BCL9: variants seen among roughly 807,000 people sequenced by gnomAD.
BCL9 encodes the protein B-cell CLL/lymphoma 9 protein.
In BCL9, 25 loss-of-function variants were observed where a neutral mutation model predicts 88.5. The ratio of observed to expected loss-of-function variants is 0.28; its 90% CI spans 0.21 to 0.39. The LOEUF (loss-of-function observed/expected upper bound fraction) is 0.39. Among genes scored for constraint, BCL9 ranks in the 10% least tolerant of loss-of-function variants. The pLI is 1.00. For synonymous variants in BCL9, 711 were observed against 673.3 expected (o/e 1.06, Z -0.87); for missense variants, 1,817 against 1,877.8 (o/e 0.97, Z 0.60).
At chr1:147,605,120 C>T (rs1487040626) in intron 2 of BCL9, among the ~76,000 whole-genome samples, 3 of 152,116 alleles carry the variant, frequency 2.0e-5, no homozygotes, top group African/African-American at 7.2e-5. Flanking sequence ...TGTACAATAA[C>T]TCATTTCATA....
intron 1 of BCL9, among the ~76,000 whole-genome samples, chr1:147,589,051 ATGT>A (rs1656733685): frequency 6.6e-6 from 1 of 152,164 alleles, no homozygotes; most frequent in Non-Finnish European, 1.5e-5. Context: ...TTAGCTGGAC[ATGT>A]TGTTACCAGG....
At chr1:147,558,723 AG>A (rs782280748) in intron 1 of BCL9, among the ~76,000 whole-genome samples, 5 of 152,160 alleles carry the variant, frequency 3.3e-5, no homozygotes, top group Non-Finnish European at 5.9e-5. Context: ...AGTTCCTTAT[AG>A]GACATGATAT....
At chr1:147,609,062 T>C (rs1177940422) in intron 3 of BCL9, among the ~76,000 whole-genome samples, 2 of 152,220 alleles carry the variant, frequency 1.3e-5, no homozygotes, top group Non-Finnish European at 2.9e-5. Context: ...TGGCACATAG[T>C]AAAAATTTTA....
intron 1 of BCL9, among the ~76,000 whole-genome samples, chr1:147,543,461 A>C (rs1654421861): frequency 6.6e-6 from 1 of 152,272 alleles, no homozygotes; most frequent in African/African-American, 2.4e-5. Flanking sequence ...ACTTCTGAGT[A>C]TGGGAAAAGC....
chr1:147,558,255 T>C (rs1655207350), intron 1 of BCL9, among the ~76,000 whole-genome samples: 1 of 152,134 alleles, frequency 6.6e-6, no homozygotes. Flanking sequence ...TTAATCTGTC[T>C]CAAAATCCAG....
rs1658432486 is a variant in BCL9, at chr1:147,618,798, CT to C, written c.661-17del. ...GTTCAGTTTACTAATGATTTTTAAA[CT>C]ATTTGTTTGTCTTCAGAACACACAG... is the stretch of plus-strand genomic sequence containing the variant. On this transcript the variant is annotated splice_polypyrimidine_tract_variant and intron_variant, in intron 7 of 9. Transcript: ENST00000234739. 1.3e-6 allele frequency: 2 copies of C among 1,508,072 alleles called. No homozygotes were observed. Among genetic ancestry groups the C allele is most frequent in the South Asian group, 2.7e-5 (2 of 73,772 alleles). 93.4% of individuals were successfully genotyped at this position (1,508,072 alleles called of 1,614,324 possible).
chr1:147,581,553 C>G (rs1315786138), intron 1 of BCL9, among the ~76,000 whole-genome samples: 2 of 152,098 alleles, frequency 1.3e-5, no homozygotes, highest in Non-Finnish European at 2.9e-5. Flanking sequence ...GTTTTTTGGT[C>G]TTTTGTTTGG....
chr1:147,570,435 A>C (rs1310780584), intron 1 of BCL9, among the ~76,000 whole-genome samples: 5 of 152,174 alleles, frequency 3.3e-5, no homozygotes, highest in African/African-American at 1.2e-4. Context: ...GACAATTTGA[A>C]GCCATTTGTG....
At chr1:147,581,513 T>C (rs1656369198) in intron 1 of BCL9, among the ~76,000 whole-genome samples, 1 of 152,246 alleles carries the variant, frequency 6.6e-6, no homozygotes, top group Non-Finnish European at 1.5e-5. Flanking sequence ...GCTGTAGAAT[T>C]TCATCCTTCT....
chr1:147,595,985 G>T (rs932119834), intron 1 of BCL9, among the ~76,000 whole-genome samples: 1 of 152,146 alleles, frequency 6.6e-6, no homozygotes, highest in Non-Finnish European at 1.5e-5. Context: ...CAACCATAAA[G>T]GTTTGAGCAT....
In BCL9 at chr1:147,620,035, T is replaced by C. The variant is rs1557861093; in HGVS notation, c.1880T>C (p.Leu627Ser). ...GAACGCTTCCCAAACCCCCAAGGAT[T>C]GTCTGAAGAGATGTTTCAGCAGCAG... ...RGERFPNPQG[L>S]SEEMFQQQLA... Residue 627 changes from leucine (L) to serine (S), a missense_variant, in exon 8 of 10, where the codon TTG becomes TCG. By Grantham distance (145) the Leu-to-Ser change is moderately radical. This residue lies in a region of BCL9 where 1,228 missense variants were observed against 1,191.6 expected (regional missense o/e 1.03). Coordinates refer to ENST00000234739, the MANE Select transcript of BCL9 (RefSeq NM_004326.4). 1.2e-6 allele frequency: 2 copies of C among 1,613,992 alleles called. No individual in the cohort carries two copies. The highest frequency in any genetic ancestry group is 1.3e-5 in the African/African-American group (1 of 74,898).
chr1:147,600,007 C>T (rs1657278705), intron 1 of BCL9, among the ~76,000 whole-genome samples: 1 of 133,736 alleles, frequency 7.5e-6, no homozygotes, highest in African/African-American at 2.8e-5. Flanking sequence ...GGCGGGACGT[C>T]GGGCCGGTGG....
chr1:147,553,118 G>T (rs1358182572), intron 1 of BCL9, among the ~76,000 whole-genome samples: 4 of 152,050 alleles, frequency 2.6e-5, no homozygotes, highest in African/African-American at 4.8e-5. Flanking sequence ...GTTTCAGGTT[G>T]TTCAGTTATA....
intron 1 of BCL9, among the ~76,000 whole-genome samples, chr1:147,598,257 AT>A (rs1553200671): frequency 6.6e-6 from 1 of 152,220 alleles, no homozygotes; most frequent in Non-Finnish European, 1.5e-5. Context: ...GACAAAAGGC[AT>A]TTTAATTATT....
Position 147,557,738 on chromosome 1 carries a change from A to G in BCL9, c.-478+16064A>G, listed in dbSNP as rs1553195607. On this transcript the variant is annotated intron_variant, in intron 1 of 9. Transcript: ENST00000234739. ...TTATATATGCATGTCTATAAAAGAA[A>G]TAATCTTCCATAGGATCCCATGGGT... 2.0e-5 allele frequency among the ~76,000 whole-genome samples: 3 copies of G among 152,220 alleles called. No individual in the cohort carries two copies. In the South Asian group the frequency reaches 6.2e-4, roughly 31 times the overall value.
intron 1 of BCL9, among the ~76,000 whole-genome samples, chr1:147,562,775 G>T (rs1449697373): frequency 6.6e-6 from 1 of 152,112 alleles, no homozygotes; most frequent in Non-Finnish European, 1.5e-5. Flanking sequence ...GTGTGGACGG[G>T]GGGTGGCAGG....
At chr1:147,615,682 G>C (rs1658240756) in intron 6 of BCL9, 121 bp from the exon 7 acceptor site, 1 of 608,356 alleles carries the variant, frequency 1.6e-6, no homozygotes, top group Non-Finnish European at 2.8e-6. Context: ...CAACATTTCT[G>C]GTGGTTCTTT....
rs1553206565 is a variant in BCL9, at chr1:147,626,017, A to T, written c.*1058A>T. ...TCCTTTTATTAGGAATTCCCAAGTG[A>T]ATTTTATTAATGTGGGAGTGGAACA... On this transcript the variant is annotated 3_prime_UTR_variant, in exon 10 of 10. Coordinates refer to ENST00000234739, the MANE Select transcript of BCL9 (RefSeq NM_004326.4). The T allele has an allele frequency of 4.4e-6, 1 of 227,392 alleles. No homozygotes were observed. The highest frequency in any genetic ancestry group is 8.8e-6 in the Non-Finnish European group (1 of 114,146). The allele number at this position is 227,392 out of a possible 1,614,324, so 14.1% of individuals were successfully genotyped here.
intron 1 of BCL9, among the ~76,000 whole-genome samples, chr1:147,567,606 A>G (rs1341646576): frequency 2.0e-5 from 3 of 152,350 alleles, no homozygotes; most frequent in East Asian, 1.9e-4. Context: ...ACAAAATTCA[A>G]TATCTTTAAA....
Sources: gnomAD v4.1 joint callset for allele counts (sites outside exome capture counted in the v4.1 genomes callset) on GRCh38, gnomAD v4.1.1 for gene constraint, gnomAD v4.1.1 regional missense constraint, MANE v1.5 for transcripts, NCBI Gene and HGNC (gene_info 2026-07-23, HGNC 2026-07-21) for gene names.